The following PLPPR5 variants were observed in gnomAD, a reference collection of about 807,000 sequenced individuals.
The protein encoded by PLPPR5 is phospholipid phosphatase related 5, also known as phospholipid phosphatase-related protein type 5.
PLPPR5 carries 16 observed loss-of-function variants against 33.9 expected under a neutral mutation model. That is an observed-to-expected ratio of 0.47 (90% confidence interval 0.32 to 0.72). PLPPR5 has a LOEUF of 0.72. Ranked by LOEUF, PLPPR5 falls within the 30% of genes least tolerant of loss-of-function variation. The pLI, the probability that PLPPR5 is intolerant of heterozygous loss-of-function variation, is 0.03. For missense variants in PLPPR5, 301 were observed against 406.7 expected (o/e 0.74, Z 2.23); for synonymous variants, 163 against 150.3 (o/e 1.08, Z -0.62).
chr1:98,931,487 A>G (rs186995259), intron 3 of PLPPR5, among the ~76,000 whole-genome samples: 27 of 152,288 alleles, frequency 1.8e-4, no homozygotes, highest in African/African-American at 6.3e-4. Flanking sequence ...TTCAAACTCA[A>G]GCAGTTCAGT....
chr1:98,985,613 C>T (rs1652227121), intron 1 of PLPPR5, among the ~76,000 whole-genome samples: 1 of 152,002 alleles, frequency 6.6e-6, no homozygotes, highest in Admixed American at 6.6e-5. Context: ...AAACCCCTTT[C>T]ATGATAATTG....
At chr1:98,974,054 A>G (rs1651758615) in intron 1 of PLPPR5, among the ~76,000 whole-genome samples, 1 of 152,014 alleles carries the variant, frequency 6.6e-6, no homozygotes, top group Non-Finnish European at 1.5e-5. Flanking sequence ...GCAAAAGGGC[A>G]CATGCAAATA....
chr1:98,945,615 T>G (rs961197558), intron 3 of PLPPR5, among the ~76,000 whole-genome samples: 1 of 152,166 alleles, frequency 6.6e-6, no homozygotes, highest in Non-Finnish European at 1.5e-5. Flanking sequence ...CTTCTCATAG[T>G]CTCAATTTTG....
chr1:98,929,456 C>T (rs1557672755), intron 3 of PLPPR5, among the ~76,000 whole-genome samples: 2 of 152,118 alleles, frequency 1.3e-5, no homozygotes, highest in Non-Finnish European at 1.5e-5. Context: ...GGGTACCTAA[C>T]AAAAGATTAT....
At chr1:98,989,336 C>G (rs1356920651) in intron 1 of PLPPR5, among the ~76,000 whole-genome samples, 2 of 152,038 alleles carry the variant, frequency 1.3e-5, no homozygotes, top group Admixed American at 1.3e-4. Flanking sequence ...ACTGTATTAT[C>G]TCAAGTTTTA....
At chr1:98,968,897 A>T (rs766783829) in intron 1 of PLPPR5, among the ~76,000 whole-genome samples, 5 of 152,072 alleles carry the variant, frequency 3.3e-5, no homozygotes, top group South Asian at 2.1e-4. Flanking sequence ...CATGCAGTCT[A>T]GTTTTGGAGT....
intron 1 of PLPPR5, among the ~76,000 whole-genome samples, chr1:98,981,975 A>G (rs1652076530): frequency 1.3e-5 from 2 of 152,094 alleles, no homozygotes; most frequent in Admixed American, 1.3e-4. Context: ...GTCAATCTCT[A>G]AAGTACCACT....
intron 3 of PLPPR5, among the ~76,000 whole-genome samples, chr1:98,929,556 C>T (rs1188033672): frequency 6.6e-6 from 1 of 152,130 alleles, no homozygotes; most frequent in East Asian, 1.9e-4. Context: ...TAACAACAAC[C>T]TCAGTGTTCA....
intron 5 of PLPPR5, among the ~76,000 whole-genome samples, chr1:98,897,882 G>A (rs1437645368): frequency 6.6e-6 from 1 of 151,984 alleles, no homozygotes; most frequent in Non-Finnish European, 1.5e-5. Flanking sequence ...AAAGGTCCCT[G>A]TCCCTACTCA....
intron 5 of PLPPR5, among the ~76,000 whole-genome samples, chr1:98,908,349 G>A (rs1166912905): frequency 1.3e-5 from 2 of 152,162 alleles, no homozygotes; most frequent in African/African-American, 2.4e-5. Context: ...CACTCTTGGT[G>A]ACACAGCTAT....
chr1:99,004,141 C>T (rs1327103902), intron 1 of PLPPR5: 3 of 445,584 alleles, frequency 6.7e-6, no homozygotes, highest in Non-Finnish European at 1.2e-5. Context: ...CCTTTGCAAC[C>T]CGGATCCCCA....
chr1:98,935,249 G>C (rs904855370), intron 3 of PLPPR5, among the ~76,000 whole-genome samples: 3 of 152,156 alleles, frequency 2.0e-5, no homozygotes, highest in Non-Finnish European at 4.4e-5. Context: ...AGCCAGGTCC[G>C]CACATCATAA....
At chr1:98,900,134 C>T (rs1049321343) in intron 5 of PLPPR5, among the ~76,000 whole-genome samples, 1 of 152,156 alleles carries the variant, frequency 6.6e-6, no homozygotes, top group Non-Finnish European at 1.5e-5. Flanking sequence ...ACTAATTTAT[C>T]CATCTGTTCC....
chr1:98,999,743 A>G (rs1158217205), intron 1 of PLPPR5, among the ~76,000 whole-genome samples: 1 of 152,210 alleles, frequency 6.6e-6, no homozygotes, highest in Non-Finnish European at 1.5e-5. Context: ...ACTTTCTATC[A>G]TCTATCTGTA....
rs1385457332 is a variant in PLPPR5, at chr1:98,956,683, T to A, written c.296A>T (p.Asn99Ile). The A allele has an allele frequency of 6.2e-7, 1 of 1,600,632 alleles. No homozygotes were observed. Among genetic ancestry groups the A allele is most frequent in the East Asian group, 2.3e-5 (1 of 44,320 alleles). The change falls in exon 2 of 6, where the codon AAC becomes ATC. Residue 99 changes from asparagine to isoleucine, a missense_variant. By Grantham distance (149) the Asn-to-Ile change is moderately radical. Transcript: ENST00000263177. Reference protein sequence around the residue: ...CLQLATRDFENQEKTILTGDC... With the variant: ...CLQLATRDFEIQEKTILTGDC... ...TCCAGTTAAAATAGTTTTTTCCTGGTTTTCAAAATCCCTTGTGGCTAGTTG... is the reference window on the plus strand; with the variant it reads ...TCCAGTTAAAATAGTTTTTTCCTGGATTTCAAAATCCCTTGTGGCTAGTTG...
At chr1:98,975,146 A>G (rs2100747138) in intron 1 of PLPPR5, among the ~76,000 whole-genome samples, 1 of 152,156 alleles carries the variant, frequency 6.6e-6, no homozygotes, top group South Asian at 2.1e-4. Context: ...GAGAATCGTC[A>G]GGAGAGTCTA....
At chr1:98,984,254 C>T (rs1255552838) in intron 1 of PLPPR5, among the ~76,000 whole-genome samples, 1 of 151,948 alleles carries the variant, frequency 6.6e-6, no homozygotes, top group South Asian at 2.1e-4. Flanking sequence ...AGATACCCTG[C>T]CAAAGCATTA....
intron 2 of PLPPR5, among the ~76,000 whole-genome samples, chr1:98,954,306 T>C (rs1650921654): frequency 6.6e-6 from 1 of 152,172 alleles, no homozygotes; most frequent in South Asian, 2.1e-4. Context: ...TTTATAATTT[T>C]GGGAATAAAA....
chr1:98,942,432 C>T (rs556155035), intron 3 of PLPPR5, among the ~76,000 whole-genome samples: 49 of 152,260 alleles, frequency 3.2e-4, no homozygotes, highest in African/African-American at 7.5e-4. Context: ...TACTATATCA[C>T]GCTATTAATC....
Sources: allele counts gnomAD v4.1 joint callset (sites outside exome capture counted in the v4.1 genomes callset), GRCh38; gene constraint gnomAD v4.1.1; transcripts MANE v1.5; gene names NCBI Gene and HGNC (gene_info 2026-07-23, HGNC 2026-07-21).